TRAF3: variants seen among roughly 807,000 people sequenced by gnomAD.
TRAF3 encodes TNF receptor-associated factor 3.
A neutral mutation model predicts 62.3 loss-of-function variants in TRAF3; 13 were observed. That is an observed-to-expected ratio of 0.21 (90% CI 0.14 to 0.33). The LOEUF is 0.33. Among genes scored for constraint, TRAF3 ranks in the 10% least tolerant of loss-of-function variants. The probability of loss-of-function intolerance (pLI) is 1.00; values close to 1 mark genes in which losing one functional copy is unlikely to be tolerated. For missense variants in TRAF3, 440 were observed against 741.8 expected, an observed-to-expected ratio of 0.59 and a Z score of 4.73; for synonymous variants, 269 against 283.4, an observed-to-expected ratio of 0.95 and a Z score of 0.51.
chr14:102,838,676 G>A (rs1410373125), intron 2 of TRAF3, among the ~76,000 whole-genome samples: 6 of 152,290 alleles, frequency 3.9e-5, no homozygotes, highest in Admixed American at 1.3e-4. Flanking sequence ...CAGTCGTTGC[G>A]GCTGGAGCAG....
chr14:102,847,989 G>C (rs1415535561), intron 2 of TRAF3, among the ~76,000 whole-genome samples: 1 of 152,044 alleles, frequency 6.6e-6, no homozygotes. Flanking sequence ...CTTTGTCCAA[G>C]GCCTACTTTC....
intron 6 of TRAF3, among the ~76,000 whole-genome samples, chr14:102,880,117 A>G (rs1378685822): frequency 6.6e-6 from 1 of 152,176 alleles, no homozygotes; most frequent in Non-Finnish European, 1.5e-5. Context: ...CCCTGTCTCA[A>G]AAAAAAGAAC....
intron 6 of TRAF3, among the ~76,000 whole-genome samples, chr14:102,877,987 G>A (rs531214937): frequency 7.6e-4 from 116 of 152,310 alleles, no homozygotes; most frequent in African/African-American, 2.7e-3. Context: ...GAAAAGATAG[G>A]AATAAATAGC....
chr14:102,856,312 A>G (rs1192780588), intron 2 of TRAF3, among the ~76,000 whole-genome samples: 2 of 152,044 alleles, frequency 1.3e-5, no homozygotes, highest in Admixed American at 6.5e-5. Context: ...CAAGGGGTGG[A>G]TTATTCATGA....
chr14:102,803,988 A>G (rs1387539850), intron 1 of TRAF3, among the ~76,000 whole-genome samples: 1 of 152,122 alleles, frequency 6.6e-6, no homozygotes, highest in Non-Finnish European at 1.5e-5. Flanking sequence ...GCTTGAGCCC[A>G]GGAGTTTGAT....
At chr14:102,893,952 T>C (rs1421246271) in intron 9 of TRAF3, among the ~76,000 whole-genome samples, 1 of 152,228 alleles carries the variant, frequency 6.6e-6, no homozygotes, top group African/African-American at 2.4e-5. Context: ...TTATTTCTTA[T>C]TATAGAATTA....
chr14:102,839,208 G>A (rs1015046177), intron 2 of TRAF3, among the ~76,000 whole-genome samples: 1 of 89,386 alleles, frequency 1.1e-5, no homozygotes, highest in Non-Finnish European at 1.9e-5. Context: ...TGGTTGATTT[G>A]CCTTTTTTTT....
chr14:102,885,097 A>C (rs545611910), intron 6 of TRAF3, among the ~76,000 whole-genome samples: 1 of 151,978 alleles, frequency 6.6e-6, no homozygotes, highest in African/African-American at 2.4e-5. Flanking sequence ...CCCCATCCCT[A>C]TTCTGCCGCA....
chr14:102,812,916 C>T (rs1385262831), intron 1 of TRAF3, among the ~76,000 whole-genome samples: 1 of 150,464 alleles, frequency 6.6e-6, no homozygotes, highest in Non-Finnish European at 1.5e-5. Flanking sequence ...GAGACTCCGT[C>T]TCAAAAAAAA....
intron 10 of TRAF3, among the ~76,000 whole-genome samples, chr14:102,901,425 G>T (rs1412202539): frequency 2.0e-5 from 3 of 152,142 alleles, no homozygotes; most frequent in Non-Finnish European, 2.9e-5. Context: ...TGCCACTCGC[G>T]AGCACCCCTG....
intron 2 of TRAF3, among the ~76,000 whole-genome samples, chr14:102,834,089 T>G (rs1205103555): frequency 1.3e-5 from 2 of 151,720 alleles, no homozygotes; most frequent in African/African-American, 4.8e-5. Flanking sequence ...TTCACAGAAC[T>G]AGAAAAACAC....
Position 102,903,153 on chromosome 14 carries a change from T to A in TRAF3, c.961-102T>A. On this transcript the variant is annotated intron_variant, in intron 10 of 11. Coordinates refer to ENST00000392745, the MANE Select transcript of TRAF3 (RefSeq NM_145725.3). This position sits in a 1 kb window ranked among gnomAD's most constrained non-coding sequence, Gnocchi z 6.4. The stretch of plus-strand genomic sequence containing the variant: ...GGGTGGCAGGCCTCATACAGGGGCC[T>A]CTGACTGTTCTGCTCCTAGCCTGTC... 6.4e-7 allele frequency: 1 copy of A among 1,554,484 alleles called. No individual in the cohort carries two copies. Among genetic ancestry groups the A allele is most frequent in the Non-Finnish European group, 8.9e-7 (1 of 1,127,958 alleles).
chr14:102,792,228 A>G (rs1302347398), intron 1 of TRAF3, among the ~76,000 whole-genome samples: 1 of 146,720 alleles, frequency 6.8e-6, no homozygotes, highest in African/African-American at 2.5e-5. Context: ...AGGCTCAAGC[A>G]GTGCTCCTTC....
intron 1 of TRAF3, among the ~76,000 whole-genome samples, chr14:102,789,453 T>C (rs1339143689): frequency 7.9e-6 from 1 of 126,496 alleles, no homozygotes; most frequent in Non-Finnish European, 1.9e-5. Context: ...TCAGGACATC[T>C]TTGCTAAATT....
At chr14:102,851,144 A>C (rs1207345991) in intron 2 of TRAF3, among the ~76,000 whole-genome samples, 1 of 152,178 alleles carries the variant, frequency 6.6e-6, no homozygotes, top group Non-Finnish European at 1.5e-5. Context: ...AATTTGCATA[A>C]TTTTTCTTTA....
chr14:102,867,320 A>G (rs1382717729), intron 2 of TRAF3, among the ~76,000 whole-genome samples: 1 of 152,216 alleles, frequency 6.6e-6, no homozygotes. Flanking sequence ...AAAAAATCTA[A>G]AAAGCATTCT....
chr14:102,822,159 G>A (rs911856794), intron 1 of TRAF3, among the ~76,000 whole-genome samples: 1 of 152,180 alleles, frequency 6.6e-6, no homozygotes, highest in African/African-American at 2.4e-5. Flanking sequence ...AAACCTGAAT[G>A]TATTCTGGGA....
intron 1 of TRAF3, among the ~76,000 whole-genome samples, chr14:102,796,807 T>C (rs906828126): frequency 6.6e-6 from 1 of 152,206 alleles, no homozygotes; most frequent in East Asian, 1.9e-4. Flanking sequence ...ATGTTATGTA[T>C]ATATTTTGAA....
Position 102,879,569 on chromosome 14 carries a change from A to G in TRAF3, c.570+3044A>G, listed in dbSNP as rs1231226432. ...CCATCGCACCCAGCCGTGGAGCTCT[A>G]ATGACCAAAATTTAGGGAGAGTTTC... On this transcript the variant is annotated intron_variant, in intron 6 of 11. Transcript: ENST00000392745. 3.3e-5 allele frequency among the ~76,000 whole-genome samples: 5 copies of G among 152,028 alleles called. No homozygotes were observed. In the East Asian group the frequency reaches 9.8e-4, roughly 30 times the overall value.
Sources: allele counts gnomAD v4.1 joint callset (sites outside exome capture counted in the v4.1 genomes callset), GRCh38; gene constraint gnomAD v4.1.1; non-coding constraint Gnocchi (gnomAD v3.1); transcripts MANE v1.5; gene names NCBI Gene and HGNC (gene_info 2026-07-23, HGNC 2026-07-21).